KL: variants seen among roughly 807,000 people sequenced by gnomAD.
KL encodes the protein klotho.
A neutral mutation model predicts 84.2 loss-of-function variants in KL; 62 were observed. The observed-to-expected ratio is 0.74, with a 90% CI of 0.60 to 0.91. The LOEUF (loss-of-function observed/expected upper bound fraction) is 0.91, where lower values mean the gene tolerates loss of function less well. Ranked by LOEUF, KL falls within the 40% of genes least tolerant of loss-of-function variation. The probability of loss-of-function intolerance (pLI) is 0.00; values close to 1 mark genes in which losing one functional copy is unlikely to be tolerated. For synonymous variants in KL, 528 were observed against 528.0 expected, an observed-to-expected ratio of 1.00 and a Z score of 0.00; for missense variants, 1,261 against 1,305.7, an observed-to-expected ratio of 0.97 and a Z score of 0.53.
At position 33,061,221 on chromosome 13, in the gene KL, C is replaced by A. The variant is rs1872181331; in HGVS notation, c.2142C>A (p.Tyr714Ter). The change falls in exon 4 of 5, where the codon TAC becomes TAA. Residue 714 changes from tyrosine to a stop codon, truncating the protein, a stop_gained. Transcript: ENST00000380099. LOFTEE classifies it high-confidence loss of function. ...CCCATGCCCTGGCTTGGCATGTGTA[C>A]AATGAAAAGTTTAGGCATGCTCAGA... ...LKAHALAWHV[Y>*]NEKFRHAQNG... 1 of 1,614,222 alleles carries A rather than the reference C, an allele frequency of 6.2e-7. No homozygotes were observed. The highest frequency in any genetic ancestry group is 8.5e-7 in the Non-Finnish European group (1 of 1,180,038).
chr13:33,057,694 C>T (rs530342395), intron 3 of KL, among the ~76,000 whole-genome samples: 1 of 152,240 alleles, frequency 6.6e-6, no homozygotes, highest in Non-Finnish European at 1.5e-5. Flanking sequence ...CTGGAAGCTC[C>T]CTGGTGGGGA....
chr13:33,040,473 AG>A (rs1245498925), intron 1 of KL, among the ~76,000 whole-genome samples: 1 of 152,212 alleles, frequency 6.6e-6, no homozygotes, highest in Non-Finnish European at 1.5e-5. Flanking sequence ...CCTTTAATTC[AG>A]AACTAAAGTA....
chr13:33,033,897 TAAAAAC>T lies in KL; in HGVS notation c.819+16640_819+16645del, dbSNP rs149020317. Among the ~76,000 whole-genome samples the T allele has an allele frequency of 7.9e-3, 1,205 of 152,148 alleles. 23 individuals are homozygous for T. The highest frequency in any genetic ancestry group is 0.028 in the African/African-American group (1,143 of 41,530). On this transcript the variant is annotated intron_variant, in intron 1 of 4. Coordinates refer to ENST00000380099, the MANE Select transcript of KL (RefSeq NM_004795.4). The stretch of plus-strand genomic sequence containing the variant: ...AATAAGATCATTTTTTTAAAAAAGA[TAAAAAC>T]AGACAAACACAAACCCTCTAGTATA...
Sources: gnomAD v4.1 joint callset for allele counts (sites outside exome capture counted in the v4.1 genomes callset) on GRCh38, gnomAD v4.1.1 for gene constraint, MANE v1.5 for transcripts, NCBI Gene and HGNC (gene_info 2026-07-23, HGNC 2026-07-21) for gene names.